Variants in DNM3 observed in about 807,000 individuals in gnomAD.
DNM3 encodes dynamin 3.
Under a neutral mutation model 101.6 loss-of-function variants are expected in DNM3, and 47 were observed. The ratio of observed to expected loss-of-function variants is 0.46; its 90% CI spans 0.37 to 0.59. DNM3 has a LOEUF of 0.59. Among genes scored for constraint, DNM3 ranks in the 20% least tolerant of loss-of-function variants. The probability of loss-of-function intolerance (pLI) is 0.00; values close to 1 mark genes in which losing one functional copy is unlikely to be tolerated. For synonymous variants in DNM3, 385 were observed against 387.9 expected (o/e 0.99, Z 0.09); for missense variants, 849 against 1,085.7 (o/e 0.78, Z 3.06).
intron 13 of DNM3, among the ~76,000 whole-genome samples, chr1:172,112,193 G>A (rs1164755283): frequency 6.6e-6 from 1 of 152,164 alleles, no homozygotes; most frequent in Non-Finnish European, 1.5e-5. Context: ...TTACATACCA[G>A]CCTTGTGGTA....
intron 1 of DNM3, among the ~76,000 whole-genome samples, chr1:171,906,479 C>T (rs2038847851): frequency 6.6e-6 from 1 of 151,856 alleles, no homozygotes; most frequent in Non-Finnish European, 1.5e-5. Flanking sequence ...CTTTTGATTC[C>T]TTCCTTATAA....
intron 1 of DNM3, among the ~76,000 whole-genome samples, chr1:171,853,192 C>T (rs572032497): frequency 6.6e-6 from 1 of 151,798 alleles, no homozygotes; most frequent in Non-Finnish European, 1.5e-5. Flanking sequence ...GAGACAGGCT[C>T]TAGCTCTGTC....
chr1:172,373,521 G>T (rs2068454211), intron 17 of DNM3, among the ~76,000 whole-genome samples: 1 of 151,966 alleles, frequency 6.6e-6, no homozygotes, highest in South Asian at 2.1e-4. Context: ...AATAATAATT[G>T]CATCCTTCTA....
intron 15 of DNM3, among the ~76,000 whole-genome samples, chr1:172,282,377 C>G (rs887580157): frequency 6.6e-6 from 1 of 152,162 alleles, no homozygotes; most frequent in African/African-American, 2.4e-5. Context: ...AAACAACCCT[C>G]TTAGTACTAT....
chr1:172,364,255 T>C (rs994485529), intron 17 of DNM3, among the ~76,000 whole-genome samples: 2 of 151,946 alleles, frequency 1.3e-5, no homozygotes, highest in African/African-American at 4.8e-5. Context: ...TAGACCAAGA[T>C]AGACTCTACA....
Position 172,392,887 on chromosome 1 carries a change from T to C in DNM3, c.2522+4078T>C, listed in dbSNP as rs533927673. ...TCATTCGAAAGGATTTGGGTTTTAC[T>C]CCAGCTCATCAAAATGACATAAACA... On this transcript the variant is annotated intron_variant, in intron 20 of 20. Coordinates refer to ENST00000627582, the MANE Select transcript of DNM3 (RefSeq NM_015569.5). Among the ~76,000 whole-genome samples, 28 of 152,320 alleles carry C rather than the reference T, an allele frequency of 1.8e-4. 1 individual carries two copies. The highest frequency in any genetic ancestry group is 4.8e-4 in the African/African-American group (20 of 41,558).
chr1:172,082,955 C>G (rs1383798431), intron 12 of DNM3, among the ~76,000 whole-genome samples: 1 of 152,210 alleles, frequency 6.6e-6, no homozygotes, highest in African/African-American at 2.4e-5. Context: ...ATTTCTTCCA[C>G]CATTTTCTGT....
chr1:172,282,066 T>C (rs1315654078), intron 15 of DNM3, among the ~76,000 whole-genome samples: 1 of 152,186 alleles, frequency 6.6e-6, no homozygotes, highest in East Asian at 1.9e-4. Context: ...ATATCTAAAA[T>C]ACATTAGCAA....
At chr1:172,242,623 T>G (rs1393479570) in intron 14 of DNM3, among the ~76,000 whole-genome samples, 1 of 152,160 alleles carries the variant, frequency 6.6e-6, no homozygotes, top group African/African-American at 2.4e-5. Flanking sequence ...AAAAAAATTT[T>G]GGAGAGACAT....
intron 2 of DNM3, among the ~76,000 whole-genome samples, chr1:171,922,063 T>C (rs1298790984): frequency 6.6e-6 from 1 of 152,174 alleles, no homozygotes; most frequent in Non-Finnish European, 1.5e-5. Context: ...TATTGCTCAT[T>C]GTAATCCATC....
At position 172,304,206 on chromosome 1, in the gene DNM3, C is replaced by CAAAAA. The variant is rs575733774; in HGVS notation, c.1770-4510_1770-4506dup. Among the ~76,000 whole-genome samples, 35 of 36,392 alleles carry CAAAAA rather than the reference C, an allele frequency of 9.6e-4. 1 individual carries two copies. The highest frequency in any genetic ancestry group is 2.7e-3 in the African/African-American group (13 of 4,840). The allele number at this position is 36,392 out of a possible 152,430, so 23.9% of individuals were successfully genotyped here. The stretch of plus-strand genomic sequence containing the variant: ...GAATATCTACCATGCAAAAGGAAAG[C>CAAAAA]AAAAAAAAAAAAAAAACAGGAGTTG... On this transcript the variant is annotated intron_variant, in intron 15 of 20. Transcript: ENST00000627582.
intron 14 of DNM3, among the ~76,000 whole-genome samples, chr1:172,167,278 C>T (rs2058783579): frequency 1.3e-5 from 2 of 152,066 alleles, no homozygotes; most frequent in South Asian, 4.1e-4. Context: ...CATAGTATTC[C>T]ATGGTGTATA....
chr1:172,152,543 C>T lies in DNM3; in HGVS notation c.1659+21255C>T, dbSNP rs529984680. Among the ~76,000 whole-genome samples the T allele has an allele frequency of 6.4e-4, 98 of 152,186 alleles. 1 individual carries two copies. The highest frequency in any genetic ancestry group is 3.4e-3 in the Middle Eastern group (1 of 294). On this transcript the variant is annotated intron_variant, in intron 14 of 20. Transcript: ENST00000627582. ...TGGATCTGATTTGAGGTAATGTCAA[C>T]TGTAACTATTTTATTATTATTTAAT...
intron 4 of DNM3, among the ~76,000 whole-genome samples, chr1:171,993,499 T>TTC (rs1553327830): frequency 6.9e-5 from 1 of 14,464 alleles, no homozygotes; most frequent in Non-Finnish European, 1.1e-4. Flanking sequence ...TTCAAGATTC[T>TTC]TTTTTTTTTT....
At chr1:172,345,933 A>T (rs1263875057) in intron 17 of DNM3, among the ~76,000 whole-genome samples, 1 of 152,088 alleles carries the variant, frequency 6.6e-6, no homozygotes, top group African/African-American at 2.4e-5. Flanking sequence ...GTCCTGGCTA[A>T]CGCAGTGAAA....
intron 13 of DNM3, among the ~76,000 whole-genome samples, chr1:172,118,592 A>G (rs2056084928): frequency 6.6e-6 from 1 of 151,470 alleles, no homozygotes. Context: ...TTTTTTCTGC[A>G]TCTGGAAGAT....
At chr1:171,897,366 AATTAGAAT>A (rs1316926373) in intron 1 of DNM3, among the ~76,000 whole-genome samples, 11 of 152,130 alleles carry the variant, frequency 7.2e-5, no homozygotes, top group Admixed American at 6.5e-5. Context: ...ACTTTTTTCT[AATTAGAAT>A]ATTTTACATA....
intron 17 of DNM3, among the ~76,000 whole-genome samples, chr1:172,353,725 C>CT (rs1443575075): frequency 2.6e-5 from 4 of 152,092 alleles, no homozygotes; most frequent in Non-Finnish European, 4.4e-5. Context: ...TGACTCTTAG[C>CT]TTTTGAAAAA....
At chr1:172,169,199 A>G (rs2058859246) in intron 14 of DNM3, among the ~76,000 whole-genome samples, 1 of 151,820 alleles carries the variant, frequency 6.6e-6, no homozygotes, top group African/African-American at 2.4e-5. Context: ...CCTCCATTGC[A>G]GATACTTTTA....
Sources: gnomAD v4.1 joint callset for allele counts (sites outside exome capture counted in the v4.1 genomes callset) on GRCh38, gnomAD v4.1.1 for gene constraint, MANE v1.5 for transcripts, NCBI Gene and HGNC (gene_info 2026-07-23, HGNC 2026-07-21) for gene names.